The following TAF1 variants were observed in gnomAD, a reference collection of about 807,000 sequenced individuals.
The protein encoded by TAF1 is TATA-box binding protein associated factor 1, also known as transcription initiation factor TFIID subunit 1.
A neutral mutation model predicts 138.5 loss-of-function variants in TAF1; 2 were observed. The observed-to-expected ratio is 0.01, with a 90% CI of 0.01 to 0.05. The LOEUF (loss-of-function observed/expected upper bound fraction) is 0.05. Among genes scored for constraint, TAF1 ranks in the 10% least tolerant of loss-of-function variants. TAF1 has a pLI of 1.00. For missense variants in TAF1, 709 were observed against 1,478.0 expected (o/e 0.48, Z 8.53); for synonymous variants, 437 against 503.2 (o/e 0.87, Z 1.76).
intron 32 of TAF1, among the ~76,000 whole-genome samples, chrX:71,433,842 C>T (rs759879390): frequency 9.1e-6 from 1 of 109,392 alleles, no homozygotes; most frequent in African/African-American, 3.3e-5. Context: ...ACTTTCCCCC[C>T]TCCTTAACCA....
chrX:71,415,019 C>CA (rs1425478674), intron 28 of TAF1, among the ~76,000 whole-genome samples: 3 of 37,486 alleles, frequency 8.0e-5, no homozygotes, highest in Non-Finnish European at 1.4e-4. Context: ...ACTCTTGTCT[C>CA]AAAAAAAAAG....
intron 3 of TAF1, among the ~76,000 whole-genome samples, chrX:71,371,954 T>A (rs1453763510): frequency 8.9e-6 from 1 of 112,210 alleles, no homozygotes; most frequent in Non-Finnish European, 1.9e-5. Flanking sequence ...TTTCCTTTTT[T>A]TCTGCTTTGC....
intron 28 of TAF1, among the ~76,000 whole-genome samples, chrX:71,418,571 A>G (rs1023924074): frequency 8.9e-6 from 1 of 112,461 alleles, no homozygotes; most frequent in South Asian, 3.6e-4. Context: ...CACTAACACA[A>G]AAGGATAGAC....
chrX:71,449,684 C>G (rs2037864611), intron 32 of TAF1, among the ~76,000 whole-genome samples: 1 of 112,260 alleles, frequency 8.9e-6, no homozygotes, highest in South Asian at 3.7e-4. Context: ...GTAGAAGAGC[C>G]TATACTGTAA....
intron 3 of TAF1, 22 bp from the exon 4 acceptor site, chrX:71,375,145 A>G: frequency 8.3e-7 from 1 of 1,204,280 alleles, no homozygotes; most frequent in East Asian, 3.0e-5. Flanking sequence ...TATTGAGGAG[A>G]TCACCTTCTT....
intron 13 of TAF1, among the ~76,000 whole-genome samples, chrX:71,493,843 A>C (rs2039343886): frequency 9.0e-6 from 1 of 111,361 alleles, no homozygotes; most frequent in African/African-American, 3.3e-5. Flanking sequence ...AAAAAATTTT[A>C]AACATTAGTT....
At chrX:71,435,777 G>C (rs1471093074) in intron 32 of TAF1, among the ~76,000 whole-genome samples, 1 of 110,815 alleles carries the variant, frequency 9.0e-6, no homozygotes, top group Non-Finnish European at 1.9e-5. Flanking sequence ...GCATACATTT[G>C]TATTTATCAG....
At chrX:71,456,540 G>A (rs920770893) in intron 34 of TAF1, among the ~76,000 whole-genome samples, 3 of 109,623 alleles carry the variant, frequency 2.7e-5, no homozygotes, top group African/African-American at 1.0e-4. Context: ...AATGTTATTA[G>A]AGTGTGTTTG....
At chrX:71,491,496 C>A (rs995666483) in intron 13 of TAF1, among the ~76,000 whole-genome samples, 23 of 110,677 alleles carry the variant, frequency 2.1e-4, no homozygotes, top group African/African-American at 6.9e-4. Flanking sequence ...GTCATTATTT[C>A]TTTAACGGCA....
chrX:71,398,507 T>C (rs28382182), intron 23 of TAF1, 65 bp from the exon 24 acceptor site: 135 of 1,170,748 alleles, frequency 1.2e-4, no homozygotes, highest in Non-Finnish European at 1.5e-4. Context: ...ATCACGATAG[T>C]CTTCTTGGTT....
At chrX:71,501,288 T>TC (rs1423913174) in intron 13 of TAF1, among the ~76,000 whole-genome samples, 6 of 105,851 alleles carry the variant, frequency 5.7e-5, no homozygotes, top group Non-Finnish European at 9.7e-5. Context: ...CCAGATAGTG[T>TC]CCCCCCACTG....
chrX:71,396,948 C>T (rs1436459480), intron 22 of TAF1, among the ~76,000 whole-genome samples: 1 of 102,737 alleles, frequency 9.7e-6, no homozygotes, highest in African/African-American at 3.6e-5. Flanking sequence ...TGGATTGAGC[C>T]TGGGAGGTGG....
At chrX:71,451,116 TTAGA>T (rs918638050) in intron 32 of TAF1, among the ~76,000 whole-genome samples, 25 of 112,774 alleles carry the variant, frequency 2.2e-4, no homozygotes, top group African/African-American at 6.8e-4. Flanking sequence ...GAAATATAAC[TTAGA>T]TACAGAAAAG....
intron 32 of TAF1, among the ~76,000 whole-genome samples, chrX:71,431,822 A>C (rs1274669607): frequency 3.7e-5 from 4 of 109,129 alleles, no homozygotes; most frequent in African/African-American, 1.3e-4. Context: ...AGGCTGAGGC[A>C]GGAGAATCAC....
chrX:71,388,619 C>T, intron 16 of TAF1, 119 bp from the exon 17 acceptor site: 1 of 1,026,894 alleles, frequency 9.7e-7, no homozygotes, highest in Non-Finnish European at 1.3e-6. Flanking sequence ...CTTGGCCAGT[C>T]ATGCCAACTG....
At chrX:71,382,396 TGGG>T in intron 9 of TAF1, 137 bp from the exon 10 acceptor site, 1 of 727,976 alleles carries the variant, frequency 1.4e-6, no homozygotes, top group Non-Finnish European at 1.9e-6. Flanking sequence ...AGAAGTTACC[TGGG>T]GGGGGGTGGG....
At chrX:71,452,738 G>A (rs934220610) in intron 32 of TAF1, among the ~76,000 whole-genome samples, 2 of 111,814 alleles carry the variant, frequency 1.8e-5, no homozygotes, top group Non-Finnish European at 3.8e-5. Context: ...GTAGCGAGCC[G>A]AGATCACGCC....
chrX:71,497,820 A>G (rs764592305), intron 13 of TAF1, among the ~76,000 whole-genome samples: 1 of 111,311 alleles, frequency 9.0e-6, no homozygotes, highest in African/African-American at 3.3e-5. Flanking sequence ...ATCTCGCTGT[A>G]TCCAGGGATC....
At chrX:71,424,411 G>A (rs778718696) in intron 32 of TAF1, among the ~76,000 whole-genome samples, 173 bp downstream of exon 32, 47 of 75,126 alleles carry the variant, frequency 6.3e-4, no homozygotes, top group African/African-American at 2.4e-3. Flanking sequence ...ACCGTGCCAG[G>A]CTCTTTTTTT....
Sources: allele counts gnomAD v4.1 joint callset (sites outside exome capture counted in the v4.1 genomes callset), GRCh38; gene constraint gnomAD v4.1.1; transcripts MANE v1.5; gene names NCBI Gene and HGNC (gene_info 2026-07-23, HGNC 2026-07-21).